RGL1: variants seen among roughly 807,000 people sequenced by gnomAD.
RGL1 encodes ral guanine nucleotide dissociation stimulator like 1.
In RGL1, 24 loss-of-function variants were observed where a neutral mutation model predicts 95.2. The observed-to-expected ratio is 0.25, with a 90% CI of 0.18 to 0.35. The LOEUF is 0.35. Among genes scored for constraint, RGL1 ranks in the 10% least tolerant of loss-of-function variants. RGL1 has a pLI of 1.00. For missense variants in RGL1, 715 were observed against 936.3 expected (o/e 0.76, Z 3.08); for synonymous variants, 329 against 344.9 (o/e 0.95, Z 0.51).
intron 1 of RGL1, among the ~76,000 whole-genome samples, chr1:183,685,149 T>A (rs1477876745): frequency 6.6e-6 from 1 of 150,452 alleles, no homozygotes; most frequent in Non-Finnish European, 1.5e-5. Context: ...CAGAACATTC[T>A]ACATTGGCTT....
chr1:183,884,402 A>T (rs1381499206), intron 6 of RGL1, among the ~76,000 whole-genome samples: 2 of 152,190 alleles, frequency 1.3e-5, no homozygotes, highest in Non-Finnish European at 2.9e-5. Flanking sequence ...TGAGTATGTC[A>T]GTCAGATTTC....
chr1:183,808,761 C>CTT (rs879323418), intron 2 of RGL1, among the ~76,000 whole-genome samples: 3 of 143,088 alleles, frequency 2.1e-5, no homozygotes, highest in East Asian at 2.0e-4. Context: ...CTCTCTCTCT[C>CTT]TTTTTTTTTT....
chr1:183,880,739 C>T lies in RGL1; in HGVS notation c.549C>T (p.Asp183=), dbSNP rs148596121. The stretch of plus-strand genomic sequence containing the variant: ...TCACACGGATGATGCCGGGCTCTGA[C>T]CCAGAAAGAAGAGCACAAAATCTTC... ...DYLTRMMPGS[D]PERRAQNLLE... The change falls in exon 5 of 18, where the codon GAC becomes GAT. Residue 183 remains aspartate, a synonymous_variant. Transcript: ENST00000360851. 6.1e-5 allele frequency: 99 copies of T among 1,613,872 alleles called. No homozygotes were observed. In the African/African-American group the frequency reaches 1.1e-3, roughly 19 times the overall value.
chr1:183,776,881 T>C (rs182099018), intron 2 of RGL1, among the ~76,000 whole-genome samples: 21 of 152,272 alleles, frequency 1.4e-4, no homozygotes, highest in Middle Eastern at 3.4e-3. Context: ...TTTGTACTAA[T>C]GTTGTGGTGC....
At chr1:183,699,397 A>G (rs1654449811) in intron 1 of RGL1, among the ~76,000 whole-genome samples, 1 of 152,070 alleles carries the variant, frequency 6.6e-6, no homozygotes, top group Non-Finnish European at 1.5e-5. Context: ...CTTTATCTCT[A>G]TGCCCACCTT....
At chr1:183,877,684 C>A (rs1421557637) in intron 4 of RGL1, among the ~76,000 whole-genome samples, 1 of 152,182 alleles carries the variant, frequency 6.6e-6, no homozygotes, top group Non-Finnish European at 1.5e-5. Context: ...TGTGAAAATG[C>A]TTTTTTCTGG....
At chr1:183,696,963 T>C (rs1654288818) in intron 1 of RGL1, among the ~76,000 whole-genome samples, 2 of 152,208 alleles carry the variant, frequency 1.3e-5, no homozygotes, top group Admixed American at 1.3e-4. Flanking sequence ...CCTGCTTTCA[T>C]TGTTGGACCT....
chr1:183,680,117 C>A (rs1446034333), intron 1 of RGL1, among the ~76,000 whole-genome samples: 2 of 152,014 alleles, frequency 1.3e-5, no homozygotes, highest in Non-Finnish European at 2.9e-5. Context: ...TGGATAGTAG[C>A]CCTTTATCAG....
chr1:183,820,320 G>A (rs150487593), intron 2 of RGL1, among the ~76,000 whole-genome samples: 3,346 of 152,236 alleles, frequency 0.022, 55 homozygotes, highest in Admixed American at 0.034. Flanking sequence ...TATTTGTTAT[G>A]TTTCTGATGC....
At chr1:183,663,834 C>A (rs569734732) in intron 1 of RGL1, among the ~76,000 whole-genome samples, 2 of 150,950 alleles carry the variant, frequency 1.3e-5, no homozygotes, top group Non-Finnish European at 2.9e-5. Flanking sequence ...CAACGATAGA[C>A]TGGATTAAGA....
intron 3 of RGL1, among the ~76,000 whole-genome samples, chr1:183,864,700 G>A (rs939075675): frequency 7.2e-5 from 11 of 152,226 alleles, no homozygotes; most frequent in African/African-American, 2.7e-4. Context: ...GAGGAAAAGA[G>A]AGGGTGGAGA....
At chr1:183,712,843 C>T (rs141806090) in intron 1 of RGL1, among the ~76,000 whole-genome samples, 1 of 152,262 alleles carries the variant, frequency 6.6e-6, no homozygotes, top group East Asian at 1.9e-4. Flanking sequence ...ATAAAAGGAA[C>T]AGGTTGAAAA....
At chr1:183,771,296 A>T (rs1467277719) in intron 2 of RGL1, among the ~76,000 whole-genome samples, 3 of 150,506 alleles carry the variant, frequency 2.0e-5, no homozygotes, top group Non-Finnish European at 4.4e-5. Flanking sequence ...AATTTAGTAA[A>T]CAAAGAAAAA....
intron 3 of RGL1, among the ~76,000 whole-genome samples, chr1:183,849,202 C>T (rs1572499922): frequency 1.3e-5 from 2 of 152,264 alleles, no homozygotes; most frequent in Admixed American, 6.5e-5. Flanking sequence ...AGATCAGCCT[C>T]AGCCTCCTGA....
At chr1:183,766,031 T>C (rs1057181989) in intron 2 of RGL1, among the ~76,000 whole-genome samples, 5 of 151,696 alleles carry the variant, frequency 3.3e-5, no homozygotes, top group African/African-American at 1.2e-4. Context: ...TGTATACATA[T>C]GTAACAAACC....
chr1:183,834,670 G>T (rs781149780), intron 2 of RGL1, among the ~76,000 whole-genome samples: 3 of 151,882 alleles, frequency 2.0e-5, no homozygotes, highest in Non-Finnish European at 2.9e-5. Flanking sequence ...CACAATGGAG[G>T]CTCTTCTCTT....
intron 1 of RGL1, chr1:183,647,482 T>C (rs1650372358): frequency 1.2e-6 from 1 of 829,662 alleles, no homozygotes; most frequent in South Asian, 3.8e-5. Context: ...ATCAAGTTGC[T>C]TATGGAAACA....
intron 2 of RGL1, among the ~76,000 whole-genome samples, chr1:183,845,160 G>A (rs1424057292): frequency 1.4e-5 from 2 of 141,628 alleles, no homozygotes; most frequent in African/African-American, 5.6e-5. Context: ...TTTCAATTTA[G>A]GAAATCTGAC....
Position 183,701,659 on chromosome 1 carries a change from C to T in RGL1, c.-32-40467C>T, listed in dbSNP as rs149461067. On this transcript the variant is annotated intron_variant, in intron 1 of 18. Coordinates refer to the RGL1 transcript ENST00000304685. ...CTTTTTTAAAATAATATTTTATTGG[C>T]CGGGTGCAGTGGCTCATGCCTGTAA... Among the ~76,000 whole-genome samples the T allele has an allele frequency of 1.4e-3, 215 of 152,194 alleles. 1 individual carries two copies. Among genetic ancestry groups the T allele is most frequent in the Non-Finnish European group, 2.4e-3 (164 of 68,012 alleles).
Sources: gnomAD v4.1 joint callset for allele counts (sites outside exome capture counted in the v4.1 genomes callset) on GRCh38, gnomAD v4.1.1 for gene constraint, MANE v1.5 for transcripts, NCBI Gene and HGNC (gene_info 2026-07-23, HGNC 2026-07-21) for gene names.